CERK: variants seen among roughly 807,000 people sequenced by gnomAD.
The protein encoded by CERK is acylsphingosine kinase.
A neutral mutation model predicts 63.4 loss-of-function variants in CERK; 39 were observed. That is an observed-to-expected ratio of 0.61 (90% confidence interval 0.48 to 0.80). The LOEUF is 0.80. Ranked by LOEUF, CERK falls within the 30% of genes least tolerant of loss-of-function variation. CERK has a pLI of 0.00. For missense variants in CERK, 670 were observed against 714.1 expected, an observed-to-expected ratio of 0.94 and a Z score of 0.70; for synonymous variants, 302 against 280.0, an observed-to-expected ratio of 1.08 and a Z score of -0.78.
At chr22:46,715,470 T>C (rs1241913156) in intron 3 of CERK, among the ~76,000 whole-genome samples, 1 of 152,194 alleles carries the variant, frequency 6.6e-6, no homozygotes, top group Non-Finnish European at 1.5e-5. Flanking sequence ...AACAGTGCAG[T>C]AGGGAAAACG....
chr22:46,731,601 G>C (rs1033533192), intron 1 of CERK, among the ~76,000 whole-genome samples: 2 of 152,248 alleles, frequency 1.3e-5, no homozygotes, highest in South Asian at 4.1e-4. Flanking sequence ...CTGGGAAGGA[G>C]GGCTGGGCCT....
chr22:46,735,300 T>G (rs1377454332), intron 1 of CERK: 1 of 152,246 alleles, frequency 6.6e-6, no homozygotes, highest in Non-Finnish European at 1.5e-5. Flanking sequence ...CTTCCTCAGG[T>G]GCAGACCTCA....
intron 3 of CERK, among the ~76,000 whole-genome samples, chr22:46,717,843 G>T (rs2082873501): frequency 6.6e-6 from 1 of 152,220 alleles, no homozygotes; most frequent in African/African-American, 2.4e-5. Flanking sequence ...CACTTTGGGA[G>T]GCCGAGGTAG....
intron 1 of CERK, among the ~76,000 whole-genome samples, chr22:46,732,033 A>C (rs1254816590): frequency 1.3e-5 from 2 of 152,234 alleles, no homozygotes; most frequent in Admixed American, 1.3e-4. Context: ...TGGAGGCAGA[A>C]GTCATCTGAC....
intron 6 of CERK, among the ~76,000 whole-genome samples, chr22:46,702,177 C>CAAA (rs135690): frequency 1.2e-5 from 1 of 84,132 alleles, no homozygotes; most frequent in African/African-American, 5.2e-5. Flanking sequence ...GACTTCGTCT[C>CAAA]AAAAAAAAAA....
In CERK at chr22:46,711,351, G is replaced by A. The variant is rs147377245; in HGVS notation, c.506-202C>T. Reference sequence around the variant, plus strand: ...GGGAACGTGAACATGAACCTCTCTCGGGCCACAGTCTGCGCGATGACATGC... The same window carrying A: ...GGGAACGTGAACATGAACCTCTCTCAGGCCACAGTCTGCGCGATGACATGC... On this transcript the variant is annotated intron_variant, in intron 4 of 12. Coordinates refer to ENST00000216264, the MANE Select transcript of CERK (RefSeq NM_022766.6). Among the ~76,000 whole-genome samples, 21 of 152,222 alleles carry A rather than the reference G, an allele frequency of 1.4e-4. No individual in the cohort carries two copies. The East Asian group carries it at 2.5e-3, about 18-fold the overall frequency.
chr22:46,722,252 A>C (rs1365195902), intron 1 of CERK, among the ~76,000 whole-genome samples: 1 of 152,210 alleles, frequency 6.6e-6, no homozygotes, highest in African/African-American at 2.4e-5. Context: ...ATCATTTTTA[A>C]AGTTGTGGCC....
intron 1 of CERK, among the ~76,000 whole-genome samples, chr22:46,725,426 A>C (rs934751023): frequency 6.6e-6 from 1 of 152,112 alleles, no homozygotes; most frequent in African/African-American, 2.4e-5. Context: ...CTCTAGAAGC[A>C]GAAGGAACTG....
Position 46,690,104 on chromosome 22 carries a change from T to C in CERK, c.1429A>G (p.Lys477Glu). The change falls in exon 12 of 13, where the codon AAG becomes GAG. Residue 477 changes from lysine (K) to glutamate (E), a missense_variant. Coordinates refer to ENST00000216264, the MANE Select transcript of CERK (RefSeq NM_022766.6). Reference sequence around the variant, plus strand: ...CTGCAAATGTGCCCAAAGCGCTTCTTCCCCCCCTCCTTGAGGTCGCTGTCC... The same window carrying C: ...CTGCAAATGTGCCCAAAGCGCTTCTCCCCCCCCTCCTTGAGGTCGCTGTCC... ...DEDSDLKEGG[K>E]KRFGHICSSH... 6.2e-7 allele frequency: 1 copy of C among 1,613,642 alleles called. No individual in the cohort carries two copies. Among genetic ancestry groups the C allele is most frequent in the Non-Finnish European group, 8.5e-7 (1 of 1,179,930 alleles).
At chr22:46,712,115 T>A (rs1045413094) in intron 4 of CERK, 53 bp downstream of exon 4, 9 of 1,604,058 alleles carry the variant, frequency 5.6e-6, no homozygotes, top group African/African-American at 1.3e-5. Context: ...CTAGTGACTA[T>A]ACTTGAATCA....
intron 12 of CERK, among the ~76,000 whole-genome samples, chr22:46,688,513 TGACA>T (rs2082714522): frequency 6.6e-6 from 1 of 152,204 alleles, no homozygotes; most frequent in South Asian, 2.1e-4. Flanking sequence ...ACCACCGCCC[TGACA>T]GAAAGAAAGG....
At chr22:46,702,998 G>T (rs1397983132) in intron 6 of CERK, among the ~76,000 whole-genome samples, 1 of 152,138 alleles carries the variant, frequency 6.6e-6, no homozygotes, top group Non-Finnish European at 1.5e-5. Context: ...GAAGGACGGG[G>T]CTCCAGGGGG....
At chr22:46,721,656 C>T (rs564874175) in intron 1 of CERK, among the ~76,000 whole-genome samples, 3 of 152,266 alleles carry the variant, frequency 2.0e-5, no homozygotes, top group Non-Finnish European at 4.4e-5. Context: ...CGAGACATGG[C>T]CTCTGTCTGC....
At chr22:46,717,668 C>T (rs2082872826) in intron 3 of CERK, among the ~76,000 whole-genome samples, 1 of 152,222 alleles carries the variant, frequency 6.6e-6, no homozygotes, top group African/African-American at 2.4e-5. Context: ...GGAGTCATGA[C>T]CACAGGGGCA....
intron 3 of CERK, among the ~76,000 whole-genome samples, chr22:46,715,155 C>A (rs1486353899): frequency 6.6e-6 from 1 of 152,252 alleles, no homozygotes; most frequent in African/African-American, 2.4e-5. Flanking sequence ...TAAGAAACAT[C>A]ATTCTTAATG....
chr22:46,733,840 G>A (rs5769121), intron 1 of CERK, among the ~76,000 whole-genome samples: 11 of 151,258 alleles, frequency 7.3e-5, no homozygotes, highest in Admixed American at 2.0e-4. Context: ...TCAGGAGTTC[G>A]AGACTAGCCT....
At chr22:46,734,551 T>C (rs2082962727) in intron 1 of CERK, among the ~76,000 whole-genome samples, 1 of 152,240 alleles carries the variant, frequency 6.6e-6, no homozygotes, top group Non-Finnish European at 1.5e-5. Flanking sequence ...GGTGCTGGGC[T>C]GCTGCGATCC....
chr22:46,736,584 A>T (rs987987645), intron 1 of CERK, among the ~76,000 whole-genome samples: 1 of 152,228 alleles, frequency 6.6e-6, no homozygotes, highest in Non-Finnish European at 1.5e-5. Context: ...GGCCCAGGTC[A>T]GGCACCTGTT....
At chr22:46,728,220 G>A (rs895904164) in intron 1 of CERK, among the ~76,000 whole-genome samples, 3 of 152,060 alleles carry the variant, frequency 2.0e-5, no homozygotes, top group African/African-American at 4.8e-5. Context: ...TCAGCCTCCC[G>A]TCCTAGGGAT....
Sources: gnomAD v4.1 joint callset for allele counts (sites outside exome capture counted in the v4.1 genomes callset) on GRCh38, gnomAD v4.1.1 for gene constraint, MANE v1.5 for transcripts, NCBI Gene and HGNC (gene_info 2026-07-23, HGNC 2026-07-21) for gene names.